SMAP1: variants seen among roughly 807,000 people sequenced by gnomAD.
The protein encoded by SMAP1 is stromal membrane-associated protein 1.
SMAP1 carries 24 observed loss-of-function variants against 58.5 expected under a neutral mutation model. The ratio of observed to expected loss-of-function variants is 0.41; its 90% CI spans 0.30 to 0.58. The LOEUF (loss-of-function observed/expected upper bound fraction) is 0.58, where lower values mean the gene tolerates loss of function less well. SMAP1 is among the 20% of genes least tolerant of loss of function. SMAP1 has a pLI of 0.29. For missense variants in SMAP1, 563 were observed against 566.3 expected (o/e 0.99, Z 0.06); for synonymous variants, 216 against 196.6 (o/e 1.10, Z -0.82).
intron 7 of SMAP1, among the ~76,000 whole-genome samples, chr6:70,837,588 A>T (rs1430735899): frequency 6.6e-6 from 1 of 151,682 alleles, no homozygotes; most frequent in Non-Finnish European, 1.5e-5. Context: ...TATATTGTCT[A>T]TGTGGTAAGT....
intron 2 of SMAP1, among the ~76,000 whole-genome samples, chr6:70,737,464 A>G (rs1306249455): frequency 2.6e-5 from 4 of 152,164 alleles, no homozygotes; most frequent in East Asian, 1.9e-4. Context: ...TATTTTGCAT[A>G]TTCCTTGTGG....
chr6:70,696,782 G>A (rs1476822078), intron 1 of SMAP1, among the ~76,000 whole-genome samples: 1 of 152,186 alleles, frequency 6.6e-6, no homozygotes, highest in African/African-American at 2.4e-5. Context: ...TTCAGATTAA[G>A]TCCAATGTTT....
intron 7 of SMAP1, among the ~76,000 whole-genome samples, chr6:70,840,579 T>C (rs1770763679): frequency 7.2e-6 from 1 of 138,384 alleles, no homozygotes; most frequent in South Asian, 2.1e-4. Context: ...TGTGTTCCGA[T>C]CATGCTTGTG....
At chr6:70,668,833 T>C in intron 1 of SMAP1, 1 of 1,183,026 alleles carries the variant, frequency 8.5e-7, no homozygotes, top group Non-Finnish European at 1.2e-6. Context: ...ATGAGTCTCT[T>C]GGAGGACGGT....
intron 1 of SMAP1, among the ~76,000 whole-genome samples, chr6:70,679,522 TGAG>T (rs544539172): frequency 6.6e-6 from 1 of 152,218 alleles, no homozygotes; most frequent in South Asian, 2.1e-4. Context: ...AATGAATAAT[TGAG>T]TTTATTAAGT....
intron 6 of SMAP1, among the ~76,000 whole-genome samples, chr6:70,823,963 A>G (rs1397524521): frequency 6.6e-6 from 1 of 151,254 alleles, no homozygotes; most frequent in East Asian, 1.9e-4. Flanking sequence ...CCACCCTATG[A>G]CCTGGATCCC....
intron 6 of SMAP1, among the ~76,000 whole-genome samples, chr6:70,808,215 C>T (rs1290885955): frequency 6.6e-6 from 1 of 152,052 alleles, no homozygotes; most frequent in Non-Finnish European, 1.5e-5. Context: ...AAACCCATGT[C>T]GTTCAAGGGT....
rs543822629 is a variant in SMAP1 at position 70,749,142 on chromosome 6, G to A, written c.253-5838G>A. ...GAAACTTATAATTATGGCGGAAGGC[G>A]AGGGGAAAGCAAGGCACATCTTATA... On this transcript the variant is annotated intron_variant, in intron 2 of 10. Coordinates refer to ENST00000370455, the MANE Select transcript of SMAP1 (RefSeq NM_001044305.3). Among the ~76,000 whole-genome samples, 597 of 152,270 alleles carry A rather than the reference G, an allele frequency of 3.9e-3. 2 individuals are homozygous for A. Among genetic ancestry groups the A allele is most frequent in the African/African-American group, 0.014 (570 of 41,540 alleles).
intron 1 of SMAP1, among the ~76,000 whole-genome samples, chr6:70,683,203 C>A (rs1246535090): frequency 3.0e-5 from 4 of 133,466 alleles, no homozygotes; most frequent in Non-Finnish European, 6.2e-5. Context: ...CGGCGTCTCA[C>A]TCTGTCGCCC....
At chr6:70,668,570 C>T (rs1766133369) in intron 1 of SMAP1, 6 of 1,535,170 alleles carry the variant, frequency 3.9e-6, no homozygotes, top group South Asian at 1.2e-5. Flanking sequence ...GGATCCCCTC[C>T]TCTACCCTCC....
At chr6:70,706,668 C>G (rs1767851545) in intron 1 of SMAP1, among the ~76,000 whole-genome samples, 1 of 151,976 alleles carries the variant, frequency 6.6e-6, no homozygotes, top group African/African-American at 2.4e-5. Context: ...TTAATACATG[C>G]CTTTAAACAA....
At chr6:70,686,730 G>A (rs1208725981) in intron 1 of SMAP1, among the ~76,000 whole-genome samples, 1 of 152,114 alleles carries the variant, frequency 6.6e-6, no homozygotes, top group Non-Finnish European at 1.5e-5. Context: ...ACATATATCT[G>A]CCCTCTGCTG....
chr6:70,854,041 C>G (rs1209031472), intron 8 of SMAP1, among the ~76,000 whole-genome samples: 1 of 152,176 alleles, frequency 6.6e-6, no homozygotes, highest in African/African-American at 2.4e-5. Context: ...TGTATTAAAG[C>G]AGCAAGTAGA....
In SMAP1 at chr6:70,858,007, G is replaced by A. The variant is rs1771508262; in HGVS notation, c.1047G>A (p.Val349=). 11 of 1,614,010 alleles carry A rather than the reference G, an allele frequency of 6.8e-6. No individual in the cohort carries two copies. Among genetic ancestry groups the A allele is most frequent in the Non-Finnish European group, 8.5e-6 (10 of 1,180,010 alleles). The change falls in exon 10 of 11, where the codon GTG becomes GTA. Residue 349 remains valine, a synonymous_variant. Transcript: ENST00000370455. ...GCTTTCCATCGATGGGCGTGCCTGT[G>A]CCTGCAGCTCCTGGCCTTATAGGAA... is the stretch of plus-strand genomic sequence containing the variant. The part of the protein sequence containing the change: ...FQGFPSMGVP[V]PAAPGLIGNV...
At position 70,800,522 on chromosome 6, in the gene SMAP1, C is replaced by A. The variant is rs1006465318; in HGVS notation, c.576+1785C>A. Among the ~76,000 whole-genome samples, 15 of 151,662 alleles carry A rather than the reference C, an allele frequency of 9.9e-5. No individual in the cohort carries two copies. In the East Asian group the frequency reaches 2.5e-3, roughly 25 times the overall value. ...TTTTGTTTCTGTTTTCATTTTAATTCTTTTATTATTATACTTTAAGTTCTA... is the reference window on the plus strand; with the variant it reads ...TTTTGTTTCTGTTTTCATTTTAATTATTTTATTATTATACTTTAAGTTCTA... On this transcript the variant is annotated intron_variant, in intron 6 of 10. Transcript: ENST00000370455.
chr6:70,805,222 C>G (rs1311102270), intron 6 of SMAP1, among the ~76,000 whole-genome samples: 1 of 151,940 alleles, frequency 6.6e-6, no homozygotes, highest in East Asian at 1.9e-4. Flanking sequence ...TTTCTCTAAT[C>G]TTGTCTTCTT....
At chr6:70,704,640 A>G (rs1408874988) in intron 1 of SMAP1, among the ~76,000 whole-genome samples, 3 of 152,202 alleles carry the variant, frequency 2.0e-5, no homozygotes, top group Non-Finnish European at 4.4e-5. Context: ...TAAAATGCAA[A>G]CAAGGCTAAT....
chr6:70,767,821 C>G (rs1455645814), intron 3 of SMAP1, among the ~76,000 whole-genome samples: 1 of 137,110 alleles, frequency 7.3e-6, no homozygotes, highest in Non-Finnish European at 1.6e-5. Flanking sequence ...GCATCCCTGT[C>G]TTGTGCCCGT....
chr6:70,822,192 C>G (rs1769919898), intron 6 of SMAP1, among the ~76,000 whole-genome samples: 1 of 151,912 alleles, frequency 6.6e-6, no homozygotes, highest in Non-Finnish European at 1.5e-5. Flanking sequence ...ATGTTGCAGC[C>G]CAGGTGAAAG....
Sources: gnomAD v4.1 joint callset for allele counts (sites outside exome capture counted in the v4.1 genomes callset) on GRCh38, gnomAD v4.1.1 for gene constraint, MANE v1.5 for transcripts, NCBI Gene and HGNC (gene_info 2026-07-23, HGNC 2026-07-21) for gene names.